Variants in CLEC6A observed in about 807,000 individuals in gnomAD.
The protein encoded by CLEC6A is C-type lectin domain family 6 member A.
CLEC6A carries 22 observed loss-of-function variants against 25.7 expected under a neutral mutation model. The ratio of observed to expected loss-of-function variants is 0.85; its 90% CI spans 0.61 to 1.22. CLEC6A has a LOEUF of 1.22. Ranked by LOEUF, CLEC6A falls within the 50% of genes most tolerant of loss-of-function variation. CLEC6A has a pLI of 0.00. For missense variants in CLEC6A, 240 were observed against 236.8 expected, an observed-to-expected ratio of 1.01 and a Z score of -0.09; for synonymous variants, 92 against 76.7, an observed-to-expected ratio of 1.20 and a Z score of -1.04.
intron 3 of CLEC6A, chr12:8,460,550 A>G (rs909224258): frequency 5.0e-6 from 4 of 792,118 alleles, no homozygotes; most frequent in Non-Finnish European, 6.3e-6. Flanking sequence ...GAACCAAACC[A>G]TATCAGTCAG....
chr12:8,461,214 G>A, intron 3 of CLEC6A: 1 of 839,570 alleles, frequency 1.2e-6, no homozygotes, highest in South Asian at 1.4e-5. Flanking sequence ...ATACTCTCCA[G>A]CTCCACCGTT....
At chr12:8,468,937 G>C (rs753538869) in intron 4 of CLEC6A, among the ~76,000 whole-genome samples, 2 of 152,250 alleles carry the variant, frequency 1.3e-5, no homozygotes, top group East Asian at 3.9e-4. Flanking sequence ...GTCCTAGCCA[G>C]AGCAATCAGA....
In CLEC6A at chr12:8,469,706, C is replaced by T. The variant is rs116491299; in HGVS notation, c.369+4077C>T. Among the ~76,000 whole-genome samples the T allele has an allele frequency of 9.4e-3, 1,430 of 152,098 alleles. 27 individuals carry two copies. The highest frequency in any genetic ancestry group is 0.033 in the African/African-American group (1,359 of 41,508). ...GAAAAGGACACCCTATTCAACAAAC[C>T]GTGGTGGGATAATTGGCAAGCCACA... On this transcript the variant is annotated intron_variant, in intron 4 of 5. Transcript: ENST00000382073.
At position 8,477,393 on chromosome 12, in the gene CLEC6A, TG is replaced by T; in HGVS notation, c.563del (p.Gly188AlafsTer17). The T allele has an allele frequency of 6.2e-7, 1 of 1,612,362 alleles. No homozygotes were observed. Among genetic ancestry groups the T allele is most frequent in the African/African-American group, 1.3e-5 (1 of 74,930 alleles). On this transcript the variant is annotated frameshift_variant, in exon 6 of 6. Coordinates refer to ENST00000382073, the MANE Select transcript of CLEC6A (RefSeq NM_001007033.2). LOFTEE classifies it high-confidence loss of function. ...AATAGTCTTCTGGAAACCTACAGGA[TG>T]GGGCTGGAATGATGTTATCTGTGAA... ...ASIVFWKPTG[W>X]GWNDVICETR...
chr12:8,469,517 A>G (rs1939877372), intron 4 of CLEC6A, among the ~76,000 whole-genome samples: 1 of 152,168 alleles, frequency 6.6e-6, no homozygotes. Context: ...GAGGCATTAC[A>G]TTACCTAACT....
Position 8,477,486 on chromosome 12 carries a change from AGAG to A in CLEC6A, c.*23_*25del. Reference sequence around the variant, plus strand: ...ATGAGTAGAAGCTTAATTGGAAAGAAGAGAAGAATTACTGACGTAATTTTTTCC... The same window carrying A: ...ATGAGTAGAAGCTTAATTGGAAAGAAAAGAATTACTGACGTAATTTTTTCC... On this transcript the variant is annotated 3_prime_UTR_variant, in exon 6 of 6. Transcript: ENST00000382073. The A allele has an allele frequency of 1.3e-6, 2 of 1,570,056 alleles. No individual in the cohort carries two copies. Among genetic ancestry groups the A allele is most frequent in the Middle Eastern group, 1.7e-4 (1 of 5,874 alleles).
intron 4 of CLEC6A, among the ~76,000 whole-genome samples, chr12:8,471,674 C>T (rs1248771719): frequency 2.0e-5 from 3 of 151,900 alleles, no homozygotes; most frequent in Non-Finnish European, 4.4e-5. Flanking sequence ...TTTCCTTTTT[C>T]TTACTTAGTC....
rs775845223 is a variant in CLEC6A, at chr12:8,477,506, A to AT, written c.*48dup. 3.1e-5 allele frequency: 46 copies of AT among 1,504,718 alleles called. No individual in the cohort carries two copies. In the East Asian group the frequency reaches 5.4e-4, roughly 18 times the overall value. The allele number at this position is 1,504,718 out of a possible 1,614,324, so 93.2% of individuals were successfully genotyped here. ...AAAGAAGAGAAGAATTACTGACGTA[A>AT]TTTTTTCCCTGACGTCTTTAAAATT... On this transcript the variant is annotated 3_prime_UTR_variant, in exon 6 of 6. Coordinates refer to ENST00000382073, the MANE Select transcript of CLEC6A (RefSeq NM_001007033.2).
chr12:8,471,580 G>C (rs1207138167), intron 4 of CLEC6A, among the ~76,000 whole-genome samples: 1 of 151,942 alleles, frequency 6.6e-6, no homozygotes, highest in African/African-American at 2.4e-5. Context: ...ATTGTTCTCA[G>C]TAGTCTCTTA....
chr12:8,477,686 T>C lies in CLEC6A; in HGVS notation c.*222T>C. 5.7e-6 allele frequency: 2 copies of C among 352,450 alleles called. No homozygotes were observed. The highest frequency in any genetic ancestry group is 4.7e-5 in the Admixed American group (1 of 21,056). 21.8% of individuals were successfully genotyped at this position (352,450 alleles called of 1,614,324 possible). On this transcript the variant is annotated 3_prime_UTR_variant, in exon 6 of 6. Transcript: ENST00000382073. ...ATAGAATGCACCCTTCCTCTCTTTG[T>C]TCCATTCTTTCACTTGTTATTCATT...
At chr12:8,461,437 C>T (rs770286610) in intron 3 of CLEC6A, among the ~76,000 whole-genome samples, 2 of 152,098 alleles carry the variant, frequency 1.3e-5, no homozygotes, top group Non-Finnish European at 2.9e-5. Flanking sequence ...TTCAGAATGC[C>T]CTGAAATGGG....
intron 3 of CLEC6A, among the ~76,000 whole-genome samples, chr12:8,463,149 T>C (rs1302300994): frequency 4.6e-5 from 7 of 152,170 alleles, no homozygotes; most frequent in African/African-American, 1.7e-4. Context: ...GATACTTTTC[T>C]CATCTGTCAA....
rs373404974 is a variant in CLEC6A, at chr12:8,471,899, T to A, written c.370-4226T>A. 9.8e-4 allele frequency among the ~76,000 whole-genome samples: 149 copies of A among 152,300 alleles called. 4 individuals are homozygous for A. The South Asian group carries it at 0.03, about 30-fold the overall frequency. ...TCACTGAGAAATCTGCTGACAGTTA[T>A]AGGAGCTTGGTTGTACATGATGAGC... On this transcript the variant is annotated intron_variant, in intron 4 of 5. Coordinates refer to ENST00000382073, the MANE Select transcript of CLEC6A (RefSeq NM_001007033.2).
intron 3 of CLEC6A, among the ~76,000 whole-genome samples, chr12:8,460,457 T>A (rs1250979638): frequency 6.6e-6 from 1 of 152,172 alleles, no homozygotes; most frequent in Non-Finnish European, 1.5e-5. Context: ...CCCCCAAGAT[T>A]CAATTATCTC....
chr12:8,474,245 G>A (rs1195426574), intron 4 of CLEC6A, among the ~76,000 whole-genome samples: 2 of 152,078 alleles, frequency 1.3e-5, no homozygotes, highest in East Asian at 1.9e-4. Context: ...GTTAATTTTT[G>A]TCTATGGTGA....
intron 3 of CLEC6A, chr12:8,460,992 C>T: frequency 8.1e-7 from 1 of 1,241,316 alleles, no homozygotes; most frequent in Non-Finnish European, 1.2e-6. Flanking sequence ...GTGAAGATTC[C>T]ACATAAAAAT....
At chr12:8,467,214 AT>A (rs1213680953) in intron 4 of CLEC6A, among the ~76,000 whole-genome samples, 1 of 151,844 alleles carries the variant, frequency 6.6e-6, no homozygotes. Context: ...CCATTTGTCT[AT>A]TTTTTTGCTT....
intron 4 of CLEC6A, among the ~76,000 whole-genome samples, chr12:8,466,788 G>A (rs1239559633): frequency 6.6e-6 from 1 of 151,742 alleles, no homozygotes; most frequent in Non-Finnish European, 1.5e-5. Flanking sequence ...CCGAGTAGCT[G>A]GGCTTACAGG....
rs1939819714 is a variant in CLEC6A at position 8,465,594 on chromosome 12, G to A, written c.334G>A (p.Ala112Thr). Residue 112 changes from alanine (A) to threonine (T), a missense_variant, in exon 4 of 6, where the codon GCA becomes ACA. By Grantham distance (58) the Ala-to-Thr change is moderately conservative. Coordinates refer to ENST00000382073, the MANE Select transcript of CLEC6A (RefSeq NM_001007033.2). ...KSEQNCVEMG[A>T]HLVVFNTEAE... ...TGAGCAGAACTGTGTTGAGATGGGA[G>A]CACATTTGGTTGTGTTCAACACAGA... 2 of 1,613,782 alleles carry A rather than the reference G, an allele frequency of 1.2e-6. No homozygotes were observed. The highest frequency in any genetic ancestry group is 1.1e-5 in the South Asian group (1 of 91,058).
Sources: gnomAD v4.1 joint callset for allele counts (sites outside exome capture counted in the v4.1 genomes callset) on GRCh38, gnomAD v4.1.1 for gene constraint, MANE v1.5 for transcripts, NCBI Gene and HGNC (gene_info 2026-07-23, HGNC 2026-07-21) for gene names.